CPQ: variants seen among roughly 807,000 people sequenced by gnomAD.
The protein encoded by CPQ is carboxypeptidase Q.
CPQ carries 37 observed loss-of-function variants against 45.7 expected under a neutral mutation model. The observed-to-expected ratio is 0.81, with a 90% CI of 0.62 to 1.07. The LOEUF is 1.07. CPQ is among the 50% of genes least tolerant of loss of function. CPQ has a pLI of 0.00. For missense variants in CPQ, 537 were observed against 572.9 expected, an observed-to-expected ratio of 0.94 and a Z score of 0.64; for synonymous variants, 186 against 205.8, an observed-to-expected ratio of 0.90 and a Z score of 0.82.
At chr8:97,130,083 C>G (rs1234032479) in intron 7 of CPQ, among the ~76,000 whole-genome samples, 1 of 152,226 alleles carries the variant, frequency 6.6e-6, no homozygotes, top group Non-Finnish European at 1.5e-5. Flanking sequence ...TATTTCTCAG[C>G]TATACGAAAT....
At chr8:96,773,175 G>A (rs1376388245) in intron 1 of CPQ, among the ~76,000 whole-genome samples, 1 of 152,246 alleles carries the variant, frequency 6.6e-6, no homozygotes, top group South Asian at 2.1e-4. Flanking sequence ...TACTTCTATT[G>A]TGAAATATAA....
intron 4 of CPQ, among the ~76,000 whole-genome samples, chr8:96,965,419 G>A (rs1813539076): frequency 7.1e-6 from 1 of 140,398 alleles, no homozygotes. Context: ...TGCCACCCCG[G>A]AGTGCAGTGG....
intron 7 of CPQ, among the ~76,000 whole-genome samples, chr8:97,071,716 G>A (rs1442037455): frequency 6.6e-6 from 1 of 152,152 alleles, no homozygotes; most frequent in Non-Finnish European, 1.5e-5. Flanking sequence ...TATCAACCTG[G>A]ATGCTTTTGG....
intron 4 of CPQ, among the ~76,000 whole-genome samples, chr8:96,891,886 A>T (rs909037219): frequency 1.3e-5 from 2 of 152,262 alleles, no homozygotes; most frequent in African/African-American, 4.8e-5. Context: ...GAAGCCAAGG[A>T]TGGCTTTCTG....
intron 5 of CPQ, among the ~76,000 whole-genome samples, chr8:96,968,746 T>C (rs1337378227): frequency 6.6e-6 from 1 of 152,234 alleles, no homozygotes; most frequent in Non-Finnish European, 1.5e-5. Context: ...TTCATCCTTC[T>C]GGTATCTTCT....
At chr8:96,929,078 A>G (rs1212595577) in intron 4 of CPQ, among the ~76,000 whole-genome samples, 1 of 152,226 alleles carries the variant, frequency 6.6e-6, no homozygotes, top group Non-Finnish European at 1.5e-5. Context: ...GTTAACAAGC[A>G]TTTATATTAA....
rs746383807 is a variant in CPQ at position 97,066,223 on chromosome 8, G to A, written c.1255+13G>A. 1 of 1,604,768 alleles carries A rather than the reference G, an allele frequency of 6.2e-7. No individual in the cohort carries two copies. The highest frequency in any genetic ancestry group is 1.7e-5 in the Admixed American group (1 of 57,808). On this transcript the variant is annotated intron_variant, in intron 7 of 7. Coordinates refer to ENST00000220763, the MANE Select transcript of CPQ (RefSeq NM_016134.4). ...GCTGGAGTGCCTGGTAAGACCAAAA[G>A]ATGAAGTTGTGTTCCTTATATATTG...
At position 96,788,760 on chromosome 8, in the gene CPQ, A is replaced by G. The variant is rs538108342; in HGVS notation, c.433+3430A>G. On this transcript the variant is annotated intron_variant, in intron 2 of 7. Transcript: ENST00000220763. The stretch of plus-strand genomic sequence containing the variant: ...CTCTCCTTCTGGTACTTCCATTTAC[A>G]GTGTGTTGGTGATTTAATGATGTCC... Among the ~76,000 whole-genome samples the G allele has an allele frequency of 4.0e-5, 6 of 150,640 alleles. No individual in the cohort carries two copies. In the East Asian group the frequency reaches 5.9e-4, roughly 15 times the overall value.
At chr8:96,878,403 G>A (rs1812176765) in intron 3 of CPQ, among the ~76,000 whole-genome samples, 1 of 152,176 alleles carries the variant, frequency 6.6e-6, no homozygotes, top group Non-Finnish European at 1.5e-5. Flanking sequence ...AGTGATTAAT[G>A]TGTTTGAGGG....
chr8:96,685,678 T>A (rs926519109), intron 1 of CPQ, among the ~76,000 whole-genome samples: 1 of 152,148 alleles, frequency 6.6e-6, no homozygotes, highest in African/African-American at 2.4e-5. Flanking sequence ...TCATTTGTGT[T>A]CTTTTTCAGA....
rs541850600 is a variant in CPQ at position 96,741,725 on chromosome 8, G to A, written c.-34-43139G>A. Among the ~76,000 whole-genome samples the A allele has an allele frequency of 1.4e-3, 215 of 151,796 alleles. 2 individuals carry two copies. Among genetic ancestry groups the A allele is most frequent in the Admixed American group, 0.011 (163 of 15,248 alleles). Reference sequence around the variant, plus strand: ...ACATCTTTATTTCTGCCTTCATTTCGTTATGTACCCAGTAGTCATTCAGGA... The same window carrying A: ...ACATCTTTATTTCTGCCTTCATTTCATTATGTACCCAGTAGTCATTCAGGA... On this transcript the variant is annotated intron_variant, in intron 1 of 7. Coordinates refer to ENST00000220763, the MANE Select transcript of CPQ (RefSeq NM_016134.4).
chr8:96,712,720 A>G (rs1563476416), intron 1 of CPQ, among the ~76,000 whole-genome samples: 1 of 152,006 alleles, frequency 6.6e-6, no homozygotes, highest in African/African-American at 2.4e-5. Context: ...CCACAGAATC[A>G]TTTTTCCCTC....
chr8:96,728,034 C>A (rs777848833), intron 1 of CPQ, among the ~76,000 whole-genome samples: 1 of 152,162 alleles, frequency 6.6e-6, no homozygotes, highest in Non-Finnish European at 1.5e-5. Flanking sequence ...TTGGCCATTG[C>A]CTCACCTGCC....
At chr8:97,065,872 C>A in intron 6 of CPQ, 137 bp from the exon 7 acceptor site, 1 of 820,064 alleles carries the variant, frequency 1.2e-6, no homozygotes, top group Non-Finnish European at 2.0e-6. Context: ...CAGAGCAGAC[C>A]TTAAGTCAGG....
At chr8:96,812,715 C>T (rs1022643098) in intron 2 of CPQ, among the ~76,000 whole-genome samples, 1 of 151,958 alleles carries the variant, frequency 6.6e-6, no homozygotes, top group African/African-American at 2.4e-5. Context: ...CCTGGAGCGG[C>T]AGGCTTCACG....
In CPQ at chr8:96,793,032, GC is replaced by G. The variant is rs112520965; in HGVS notation, c.433+7708del. On this transcript the variant is annotated intron_variant, in intron 2 of 7. Transcript: ENST00000220763. The stretch of plus-strand genomic sequence containing the variant: ...TCACAAGAACAGCATGGGGGTTACT[GC>G]CCCCCATGATTCAGTTACATCCCAC... 9.3e-3 allele frequency among the ~76,000 whole-genome samples: 1,419 copies of G among 151,960 alleles called. 22 individuals are homozygous for G. Among genetic ancestry groups the G allele is most frequent in the African/African-American group, 0.028 (1,147 of 41,444 alleles).
intron 5 of CPQ, among the ~76,000 whole-genome samples, chr8:96,972,665 T>C (rs2130374607): frequency 6.6e-6 from 1 of 152,346 alleles, no homozygotes; most frequent in Non-Finnish European, 1.5e-5. Context: ...GAGCAGGTGC[T>C]GGCATCCATG....
intron 1 of CPQ, among the ~76,000 whole-genome samples, chr8:96,674,252 G>A (rs1809043474): frequency 6.6e-6 from 1 of 152,130 alleles, no homozygotes; most frequent in Non-Finnish European, 1.5e-5. Flanking sequence ...TGAGATGCGT[G>A]TATTTCCTGA....
At chr8:97,127,952 G>A (rs1163765420) in intron 7 of CPQ, among the ~76,000 whole-genome samples, 1 of 152,192 alleles carries the variant, frequency 6.6e-6, no homozygotes, top group Admixed American at 6.5e-5. Context: ...GGAATGGACT[G>A]AAAAGGACCA....
Sources: allele counts gnomAD v4.1 joint callset (sites outside exome capture counted in the v4.1 genomes callset), GRCh38; gene constraint gnomAD v4.1.1; transcripts MANE v1.5; gene names NCBI Gene and HGNC (gene_info 2026-07-23, HGNC 2026-07-21).